The following FOLH1 variants were observed in gnomAD, a reference collection of about 807,000 sequenced individuals.
The protein encoded by FOLH1 is glutamate carboxypeptidase 2.
Under a neutral mutation model 93.9 loss-of-function variants are expected in FOLH1, and 54 were observed. The observed-to-expected ratio is 0.57, with a 90% CI of 0.46 to 0.72. The LOEUF (loss-of-function observed/expected upper bound fraction) is 0.72, where lower values mean the gene tolerates loss of function less well. FOLH1 is among the 30% of genes least tolerant of loss of function. The pLI is 0.00. For synonymous variants in FOLH1, 249 were observed against 303.6 expected (o/e 0.82, Z 1.87); for missense variants, 571 against 892.5 (o/e 0.64, Z 4.59).
chr11:49,170,116 A>G (rs1432957563), intron 11 of FOLH1, among the ~76,000 whole-genome samples: 2 of 152,144 alleles, frequency 1.3e-5, no homozygotes, highest in Non-Finnish European at 2.9e-5. Context: ...TATTTACAGC[A>G]TGACTGGAAA....
chr11:49,200,327 A>T lies in FOLH1; in HGVS notation c.339T>A (p.Tyr113Ter). The T allele has an allele frequency of 6.2e-7, 1 of 1,613,048 alleles. No homozygotes were observed. Among genetic ancestry groups the T allele is most frequent in the Non-Finnish European group, 8.5e-7 (1 of 1,179,356 alleles). ...FGLDSVELAHYDVLLSYPNKT... is the reference protein window; with the variant it reads ...FGLDSVELAH ...TATTTGGGTAGGACAACAGGACATC[A>T]TAATGTGCTAGCTCAACAGAATCCA... Residue 113 changes from tyrosine to a stop codon, truncating the protein, a stop_gained, in exon 3 of 19, where the codon TAT becomes TAA. Transcript: ENST00000256999. LOFTEE classifies it high-confidence loss of function.
intron 7 of FOLH1, among the ~76,000 whole-genome samples, chr11:49,181,594 A>G (rs961151018): frequency 3.9e-5 from 6 of 152,106 alleles, no homozygotes; most frequent in African/African-American, 1.4e-4. Flanking sequence ...GTACATATAA[A>G]TTGTTGAAGA....
chr11:49,207,349 T>C (rs1286556091), intron 1 of FOLH1, among the ~76,000 whole-genome samples: 1 of 152,200 alleles, frequency 6.6e-6, no homozygotes, highest in African/African-American at 2.4e-5. Context: ...AGATGAAGAT[T>C]GTTATGAGCA....
At chr11:49,176,824 AC>A (rs1860103109) in intron 7 of FOLH1, among the ~76,000 whole-genome samples, 1 of 145,026 alleles carries the variant, frequency 6.9e-6, no homozygotes, top group African/African-American at 2.5e-5. Flanking sequence ...TTGTTCCTTA[AC>A]AATACTCCAA....
At chr11:49,162,536 G>A (rs191392285) in intron 13 of FOLH1, among the ~76,000 whole-genome samples, 157 of 152,152 alleles carry the variant, frequency 1.0e-3, no homozygotes, top group Non-Finnish European at 1.7e-3. Context: ...GTTACAACAC[G>A]CTCCTTTACC....
At chr11:49,184,171 TG>T (rs1159075825) in intron 6 of FOLH1, among the ~76,000 whole-genome samples, 3 of 152,148 alleles carry the variant, frequency 2.0e-5, no homozygotes, top group South Asian at 2.1e-4. Flanking sequence ...ATATGCTGTG[TG>T]GGATTTGTTT....
chr11:49,159,320 T>C (rs1857382397), intron 13 of FOLH1, among the ~76,000 whole-genome samples: 1 of 152,252 alleles, frequency 6.6e-6, no homozygotes, highest in African/African-American at 2.4e-5. Flanking sequence ...ACCTAGTTTA[T>C]TGATAGTTTT....
rs1054290322 is a variant in FOLH1, at chr11:49,185,747, C to T, written c.748G>A (p.Gly250Arg). Residue 250 changes from glycine to arginine, a missense_variant, in exon 6 of 19, where the codon GGA becomes AGA. Coordinates refer to ENST00000256999, the MANE Select transcript of FOLH1 (RefSeq NM_004476.3). Reference protein sequence around the residue: ...KSYPDGWNLPGGGVQRGNILN... With the variant: ...KSYPDGWNLPRGGVQRGNILN... ...ATATTTCCACGCTGGACACCACCTC[C>T]AGGAAGATTCCAACCATCTGGATAG... 2.5e-6 allele frequency: 4 copies of T among 1,613,338 alleles called. No individual in the cohort carries two copies. Among genetic ancestry groups the T allele is most frequent in the Admixed American group, 3.3e-5 (2 of 59,938 alleles).
In FOLH1 at chr11:49,208,551, T is replaced by C; in HGVS notation, c.-142A>G. ...ATCAGCCCTGCAGGCTGGAATTCGC[T>C]CCAGACCTGGGGTCCAGTTTCTCCA... On this transcript the variant is annotated 5_prime_UTR_variant, in exon 1 of 19. Coordinates refer to ENST00000256999, the MANE Select transcript of FOLH1 (RefSeq NM_004476.3). The C allele has an allele frequency of 1.8e-6, 1 of 570,232 alleles. No individual in the cohort carries two copies. Among genetic ancestry groups the C allele is most frequent in the South Asian group, 2.6e-5 (1 of 37,842 alleles). The allele number at this position is 570,232 out of a possible 1,614,324, so 35.3% of individuals were successfully genotyped here.
chr11:49,186,232 T>G (rs1018767777), intron 5 of FOLH1: 1 of 196,144 alleles, frequency 5.1e-6, no homozygotes, highest in Admixed American at 5.9e-5. Flanking sequence ...ACAAATCAAA[T>G]GACAGTAATT....
chr11:49,179,050 T>TA (rs1301381478), intron 7 of FOLH1, among the ~76,000 whole-genome samples: 1 of 152,210 alleles, frequency 6.6e-6, no homozygotes, highest in Non-Finnish European at 1.5e-5. Flanking sequence ...GGTAAAATTC[T>TA]AAAAAATTTG....
chr11:49,151,400 G>A (rs556228032), intron 17 of FOLH1, among the ~76,000 whole-genome samples: 4 of 150,758 alleles, frequency 2.7e-5, no homozygotes, highest in East Asian at 2.0e-4. Flanking sequence ...GTAAATGCGC[G>A]CGTGCGCGTG....
intron 3 of FOLH1, among the ~76,000 whole-genome samples, chr11:49,198,474 T>A (rs539188187): frequency 1.4e-5 from 2 of 140,502 alleles, no homozygotes; most frequent in Non-Finnish European, 3.0e-5. Flanking sequence ...AAAGCGAGAC[T>A]CCGTCTCAAA....
chr11:49,148,895 A>G (rs1162803018), intron 17 of FOLH1, among the ~76,000 whole-genome samples, 164 bp from the exon 18 acceptor site: 1 of 152,194 alleles, frequency 6.6e-6, no homozygotes, highest in African/African-American at 2.4e-5. Flanking sequence ...AGGAGGACAC[A>G]TGTATGTGAA....
chr11:49,174,417 A>T (rs1859745578), intron 9 of FOLH1, among the ~76,000 whole-genome samples: 2 of 152,196 alleles, frequency 1.3e-5, no homozygotes, highest in Non-Finnish European at 2.9e-5. Flanking sequence ...TATGGAAATC[A>T]TATGTCCATA....
intron 4 of FOLH1, among the ~76,000 whole-genome samples, chr11:49,189,939 C>G (rs1861840918): frequency 6.6e-6 from 1 of 152,120 alleles, no homozygotes; most frequent in Non-Finnish European, 1.5e-5. Flanking sequence ...ATCTTTGCCT[C>G]TGTAAAAGGA....
chr11:49,180,194 T>C (rs1860558604), intron 7 of FOLH1, among the ~76,000 whole-genome samples: 2 of 152,212 alleles, frequency 1.3e-5, no homozygotes, highest in Non-Finnish European at 1.5e-5. Flanking sequence ...CATATTGTTG[T>C]TTTATAGGTT....
chr11:49,188,899 G>T (rs896997278), intron 4 of FOLH1, among the ~76,000 whole-genome samples: 1 of 152,138 alleles, frequency 6.6e-6, no homozygotes, highest in Non-Finnish European at 1.5e-5. Context: ...AATGATATTA[G>T]CTGGAAACTC....
chr11:49,198,481 C>CAAA (rs374900880), intron 3 of FOLH1, among the ~76,000 whole-genome samples: 4 of 145,896 alleles, frequency 2.7e-5, no homozygotes, highest in African/African-American at 7.8e-5. Flanking sequence ...GACTCCGTCT[C>CAAA]AAAAAAAACA....
Sources: allele counts gnomAD v4.1 joint callset (sites outside exome capture counted in the v4.1 genomes callset), GRCh38; gene constraint gnomAD v4.1.1; transcripts MANE v1.5; gene names NCBI Gene and HGNC (gene_info 2026-07-23, HGNC 2026-07-21).